Variants in TANGO6 observed in about 807,000 individuals in gnomAD.
TANGO6 encodes transport and golgi organization 6 homolog.
A neutral mutation model predicts 114.2 loss-of-function variants in TANGO6; 90 were observed. The observed-to-expected ratio is 0.79, with a 90% confidence interval of 0.66 to 0.94. TANGO6 has a LOEUF of 0.94. Among genes scored for constraint, TANGO6 ranks in the 40% least tolerant of loss-of-function variants. TANGO6 has a pLI of 0.00. For missense variants in TANGO6, 1,274 were observed against 1,315.3 expected (o/e 0.97, Z 0.49); for synonymous variants, 477 against 509.8 (o/e 0.94, Z 0.87).
At chr16:69,067,170 C>G (rs1960225070) in intron 17 of TANGO6, among the ~76,000 whole-genome samples, 1 of 152,180 alleles carries the variant, frequency 6.6e-6, no homozygotes, top group Non-Finnish European at 1.5e-5. Flanking sequence ...GTGCCGGGAT[C>G]ATAGGTATGA....
At chr16:68,958,505 A>AAG (rs547265799) in intron 14 of TANGO6, among the ~76,000 whole-genome samples, 15,345 of 145,996 alleles carry the variant, frequency 0.11, 1,344 homozygotes, top group African/African-American at 0.22. Flanking sequence ...AAAAAAAAAA[A>AAG]AGAGAGAGGA....
intron 7 of TANGO6, among the ~76,000 whole-genome samples, chr16:68,881,286 AG>A (rs1962458318): frequency 6.6e-6 from 1 of 151,912 alleles, no homozygotes; most frequent in South Asian, 2.1e-4. Flanking sequence ...GGCCGAGGAG[AG>A]TGGATCACCT....
intron 1 of TANGO6, among the ~76,000 whole-genome samples, chr16:68,857,154 T>G (rs995616344): frequency 6.6e-6 from 1 of 152,086 alleles, no homozygotes; most frequent in Non-Finnish European, 1.5e-5. Context: ...ACATATTCTT[T>G]CCTGCCCCAT....
chr16:68,973,245 C>G, intron 14 of TANGO6: 1 of 426,194 alleles, frequency 2.3e-6, no homozygotes, highest in Non-Finnish European at 4.6e-6. Flanking sequence ...CCTGGAACCC[C>G]TATTTCTACT....
intron 14 of TANGO6, among the ~76,000 whole-genome samples, chr16:68,964,488 C>T (rs1479773074): frequency 3.3e-5 from 5 of 151,558 alleles, no homozygotes; most frequent in Non-Finnish European, 4.4e-5. Flanking sequence ...TCAATAGAGA[C>T]GATTTTGCAT....
chr16:68,893,735 C>CAA lies in TANGO6; in HGVS notation c.1378-6688_1378-6687dup, dbSNP rs796546769. ...TGGGCGACAGAGTGAAACTGTGTCT[C>CAA]AAAAAAAAAAAAGAAAACAACCAAA... On this transcript the variant is annotated intron_variant, in intron 7 of 17. Coordinates refer to ENST00000261778, the MANE Select transcript of TANGO6 (RefSeq NM_024562.2). Among the ~76,000 whole-genome samples the CAA allele has an allele frequency of 5.6e-3, 337 of 60,382 alleles. 3 individuals carry two copies. Among genetic ancestry groups the CAA allele is most frequent in the African/African-American group, 0.015 (309 of 20,674 alleles). 39.6% of individuals were successfully genotyped at this position (60,382 alleles called of 152,430 possible). A position where few individuals can be genotyped will look rare whatever the true frequency, so the allele number is the denominator to read the frequency against.
At chr16:69,025,166 C>T (rs975473964) in intron 16 of TANGO6, among the ~76,000 whole-genome samples, 1 of 152,238 alleles carries the variant, frequency 6.6e-6, no homozygotes, top group Admixed American at 6.5e-5. Flanking sequence ...GCCATGCTGG[C>T]GTGCCCCAGC....
chr16:69,058,471 A>C (rs1342209295), intron 17 of TANGO6, among the ~76,000 whole-genome samples: 2 of 152,224 alleles, frequency 1.3e-5, no homozygotes, highest in African/African-American at 2.4e-5. Context: ...CAGGTCCAGA[A>C]GGTTTACATT....
chr16:68,911,414 T>TC (rs886415916), intron 11 of TANGO6, among the ~76,000 whole-genome samples: 41 of 149,806 alleles, frequency 2.7e-4, no homozygotes, highest in African/African-American at 4.2e-4. Context: ...ATTTATAGTT[T>TC]CTTTTTTTTT....
intron 15 of TANGO6, among the ~76,000 whole-genome samples, chr16:69,003,221 ATGGCAAG>A (rs1964060712): frequency 6.6e-6 from 1 of 152,198 alleles, no homozygotes; most frequent in African/African-American, 2.4e-5. Context: ...CTCCAAAGAG[ATGGCAAG>A]CAGTTTTTAT....
intron 16 of TANGO6, among the ~76,000 whole-genome samples, chr16:69,027,784 T>C (rs1959528468): frequency 6.8e-6 from 1 of 147,642 alleles, no homozygotes; most frequent in South Asian, 2.1e-4. Flanking sequence ...CAAACCCAAT[T>C]TTTTTTTTTT....
chr16:68,980,875 G>A (rs933216930), intron 15 of TANGO6, among the ~76,000 whole-genome samples: 4 of 151,754 alleles, frequency 2.6e-5, no homozygotes, highest in African/African-American at 4.8e-5. Flanking sequence ...GGCGCCTGTA[G>A]TGCCAGCTAC....
intron 15 of TANGO6, among the ~76,000 whole-genome samples, chr16:68,980,249 ATTTTGT>A (rs1271822098): frequency 2.0e-5 from 3 of 150,276 alleles, no homozygotes; most frequent in African/African-American, 7.3e-5. Context: ...TTTCTTTTTC[ATTTTGT>A]TTTTGACACA....
At chr16:69,061,662 C>T (rs930341454) in intron 17 of TANGO6, among the ~76,000 whole-genome samples, 1 of 152,092 alleles carries the variant, frequency 6.6e-6, no homozygotes. Context: ...AGGTTTTTGC[C>T]ATAATGCTTG....
At chr16:68,888,289 C>T (rs1056183244) in intron 7 of TANGO6, among the ~76,000 whole-genome samples, 2 of 152,078 alleles carry the variant, frequency 1.3e-5, no homozygotes, top group African/African-American at 4.8e-5. Context: ...AATTCTTTGC[C>T]CTCCCTGGTA....
chr16:69,037,697 G>A (rs1959711649), intron 16 of TANGO6, among the ~76,000 whole-genome samples: 1 of 152,178 alleles, frequency 6.6e-6, no homozygotes, highest in African/African-American at 2.4e-5. Flanking sequence ...CCTTAGGGTG[G>A]GGGGTCCCAG....
chr16:68,976,095 T>C (rs1963763398), intron 15 of TANGO6, among the ~76,000 whole-genome samples: 1 of 151,958 alleles, frequency 6.6e-6, no homozygotes, highest in Non-Finnish European at 1.5e-5. Context: ...CCACCACACC[T>C]GGCTAATTTT....
rs576941310 is a variant in TANGO6 at position 69,080,682 on chromosome 16, T to A, written c.3109-2803T>A. 2.0e-5 allele frequency among the ~76,000 whole-genome samples: 3 copies of A among 152,308 alleles called. No individual in the cohort carries two copies. In the East Asian group the frequency reaches 5.8e-4, roughly 29 times the overall value. ...TAGGAGTCTGGAGTAGAACAGAGCCTTACCTTTTAATATGTACTCTTTTGT... is the reference window on the plus strand; with the variant it reads ...TAGGAGTCTGGAGTAGAACAGAGCCATACCTTTTAATATGTACTCTTTTGT... On this transcript the variant is annotated intron_variant, in intron 17 of 17. Coordinates refer to ENST00000261778, the MANE Select transcript of TANGO6 (RefSeq NM_024562.2).
chr16:69,076,322 C>T (rs1425382031), intron 17 of TANGO6, among the ~76,000 whole-genome samples: 3 of 151,404 alleles, frequency 2.0e-5, no homozygotes, highest in Non-Finnish European at 4.4e-5. Flanking sequence ...GAACTCCTGA[C>T]CTCAGGTGAT....
Sources: gnomAD v4.1 joint callset for allele counts (sites outside exome capture counted in the v4.1 genomes callset) on GRCh38, gnomAD v4.1.1 for gene constraint, MANE v1.5 for transcripts, NCBI Gene and HGNC (gene_info 2026-07-23, HGNC 2026-07-21) for gene names.